UQCC1: variants seen among roughly 807,000 people sequenced by gnomAD.
UQCC1 encodes the protein ubiquinol-cytochrome c reductase complex assembly factor 1.
UQCC1 carries 38 observed loss-of-function variants against 48.0 expected under a neutral mutation model. That is an observed-to-expected ratio of 0.79 (90% CI 0.61 to 1.04). UQCC1 has a LOEUF of 1.04. Among genes scored for constraint, UQCC1 ranks in the 50% least tolerant of loss-of-function variants. UQCC1 has a pLI of 0.00. For missense variants in UQCC1, 368 were observed against 381.8 expected, an observed-to-expected ratio of 0.96 and a Z score of 0.30; for synonymous variants, 111 against 129.2, an observed-to-expected ratio of 0.86 and a Z score of 0.95.
At chr20:35,358,356 C>CAAAAAAAAAAA (rs1198006186) in intron 6 of UQCC1, among the ~76,000 whole-genome samples, 7 of 49,390 alleles carry the variant, frequency 1.4e-4, no homozygotes, top group East Asian at 6.0e-4. Flanking sequence ...GACTCTGTCT[C>CAAAAAAAAAAA]AAAAAAAAAA....
rs371614433 is a variant in UQCC1, at chr20:35,372,049, C to T, written c.406+2135G>A. 5.3e-5 allele frequency among the ~76,000 whole-genome samples: 8 copies of T among 151,546 alleles called. No homozygotes were observed. The East Asian group carries it at 5.9e-4, about 11-fold the overall frequency. ...AAAAGAGGCCGGGTGTGGTGGCTCA[C>T]GCCTGTAATCCCAGCACTTTGGGAG... On this transcript the variant is annotated intron_variant, in intron 5 of 9. Transcript: ENST00000374385.
At chr20:35,411,172 C>A (rs2062357854) in intron 1 of UQCC1, among the ~76,000 whole-genome samples, 1 of 152,184 alleles carries the variant, frequency 6.6e-6, no homozygotes, top group Non-Finnish European at 1.5e-5. Context: ...TGTATCCTAA[C>A]GTTTTTTCTG....
At chr20:35,338,624 T>A (rs1009108199) in intron 7 of UQCC1, among the ~76,000 whole-genome samples, 3 of 151,182 alleles carry the variant, frequency 2.0e-5, no homozygotes, top group Non-Finnish European at 2.9e-5. Flanking sequence ...AGCGGGTGGA[T>A]CACTTAAGGT....
chr20:35,392,370 G>C (rs1474262698), intron 2 of UQCC1: 2 of 987,166 alleles, frequency 2.0e-6, no homozygotes, highest in African/African-American at 3.4e-5. Flanking sequence ...TGGTCAGCAT[G>C]AGATAAACCA....
intron 7 of UQCC1, among the ~76,000 whole-genome samples, chr20:35,334,823 G>A (rs903402833): frequency 1.3e-5 from 2 of 152,174 alleles, no homozygotes; most frequent in African/African-American, 4.8e-5. Flanking sequence ...CAAGCTCTGG[G>A]ACTTAACACA....
At chr20:35,397,535 AG>A (rs1460687077) in intron 1 of UQCC1, among the ~76,000 whole-genome samples, 1 of 151,758 alleles carries the variant, frequency 6.6e-6, no homozygotes, top group Admixed American at 6.6e-5. Context: ...AAAAGAAAAA[AG>A]AAAAAAAAAT....
At chr20:35,394,919 T>C (rs1017135554) in intron 1 of UQCC1, among the ~76,000 whole-genome samples, 2 of 152,178 alleles carry the variant, frequency 1.3e-5, no homozygotes, top group African/African-American at 4.8e-5. Flanking sequence ...TTCCCACAGC[T>C]GCCTCCTCAG....
At chr20:35,324,605 C>T (rs562768589) in intron 7 of UQCC1, among the ~76,000 whole-genome samples, 5 of 152,362 alleles carry the variant, frequency 3.3e-5, no homozygotes, top group Admixed American at 6.5e-5. Context: ...GGATTACAGG[C>T]GTGAGCCACC....
chr20:35,392,020 A>G (rs957377060), intron 2 of UQCC1, among the ~76,000 whole-genome samples: 1 of 152,190 alleles, frequency 6.6e-6, no homozygotes, highest in African/African-American at 2.4e-5. Context: ...AGCACTGGAC[A>G]TTACCTTACA....
At position 35,394,167 on chromosome 20, in the gene UQCC1, A is replaced by G. The variant is rs774898277; in HGVS notation, c.54T>C (p.Val18=). 2.4e-5 allele frequency: 39 copies of G among 1,614,020 alleles called. No homozygotes were observed. Among genetic ancestry groups the G allele is most frequent in the Non-Finnish European group, 2.8e-5 (33 of 1,180,006 alleles). Reference sequence around the variant, plus strand: ...CAGGTATCAATCGGCTGCATACTGGAACCCACTGAGAAATGCTAGTCTGGT... The same window carrying G: ...CAGGTATCAATCGGCTGCATACTGGGACCCACTGAGAAATGCTAGTCTGGT... ...LRNQTSISQW[V]PVCSRLIPVS... Residue 18 remains valine, a synonymous_variant, in exon 2 of 10, where the codon GTT becomes GTC. Coordinates refer to ENST00000374385, the MANE Select transcript of UQCC1 (RefSeq NM_018244.5).
intron 2 of UQCC1, 25 bp downstream of exon 2, chr20:35,394,067 T>C: frequency 6.3e-7 from 1 of 1,598,882 alleles, no homozygotes. Flanking sequence ...GTTTTCATAC[T>C]AAGCAAAAGA....
intron 8 of UQCC1, among the ~76,000 whole-genome samples, chr20:35,308,994 C>T (rs574904124): frequency 2.2e-4 from 33 of 152,296 alleles, no homozygotes; most frequent in South Asian, 4.1e-4. Context: ...GGATTACAGG[C>T]GTGAGCCACC....
chr20:35,356,101 C>T (rs1568678338), intron 6 of UQCC1, among the ~76,000 whole-genome samples: 1 of 152,212 alleles, frequency 6.6e-6, no homozygotes, highest in East Asian at 1.9e-4. Flanking sequence ...GTTGCCGAGG[C>T]TGGTCTCAAA....
chr20:35,369,550 C>A (rs2061706346), intron 5 of UQCC1, among the ~76,000 whole-genome samples: 1 of 152,162 alleles, frequency 6.6e-6, no homozygotes, highest in African/African-American at 2.4e-5. Context: ...CACAGTTGTA[C>A]ATTTAATGTG....
intron 5 of UQCC1, among the ~76,000 whole-genome samples, chr20:35,367,786 G>A (rs1043041190): frequency 6.6e-6 from 1 of 151,982 alleles, no homozygotes; most frequent in African/African-American, 2.4e-5. Context: ...AAAAAGAAAA[G>A]ATCAGGCGAA....
At chr20:35,328,314 C>G (rs1413270617) in intron 7 of UQCC1, among the ~76,000 whole-genome samples, 1 of 152,168 alleles carries the variant, frequency 6.6e-6, no homozygotes, top group African/African-American at 2.4e-5. Context: ...CTCTGAGCCT[C>G]AGTTTTTCCA....
chr20:35,328,483 C>T (rs1360409410), intron 7 of UQCC1, among the ~76,000 whole-genome samples: 1 of 152,174 alleles, frequency 6.6e-6, no homozygotes, highest in African/African-American at 2.4e-5. Flanking sequence ...CACAATGCTA[C>T]AAGCGATGTA....
intron 8 of UQCC1, chr20:35,307,072 G>T (rs1330462161): frequency 2.2e-6 from 1 of 451,618 alleles, no homozygotes; most frequent in Admixed American, 3.4e-5. Context: ...ACTGCGCCTG[G>T]CCCAGGCAAC....
At chr20:35,400,645 G>A (rs1007893000) in intron 1 of UQCC1, among the ~76,000 whole-genome samples, 3 of 151,946 alleles carry the variant, frequency 2.0e-5, no homozygotes, top group Admixed American at 6.5e-5. Context: ...ACAGGCGCCC[G>A]CCACCTCGCC....
Sources: allele counts gnomAD v4.1 joint callset (sites outside exome capture counted in the v4.1 genomes callset), GRCh38; gene constraint gnomAD v4.1.1; transcripts MANE v1.5; gene names NCBI Gene and HGNC (gene_info 2026-07-23, HGNC 2026-07-21).